The following ZNF233 variants were observed in gnomAD, a reference collection of about 807,000 sequenced individuals.
The protein encoded by ZNF233 is zinc finger protein 233.
Under a neutral mutation model 11.6 loss-of-function variants are expected in ZNF233, and 7 were observed. That is an observed-to-expected ratio of 0.60 (90% CI 0.34 to 1.13). The LOEUF (loss-of-function observed/expected upper bound fraction) is 1.13, where lower values mean the gene tolerates loss of function less well. ZNF233 is among the 50% of genes most tolerant of loss of function. The probability of loss-of-function intolerance (pLI) is 0.03; values close to 1 mark genes in which losing one functional copy is unlikely to be tolerated. For synonymous variants in ZNF233, 226 were observed against 268.5 expected (o/e 0.84, Z 1.55); for missense variants, 711 against 785.5 (o/e 0.91, Z 1.13).
chr19:44,264,179 A>G, intron 1 of ZNF233, 135 bp from the exon 2 acceptor site: 1 of 651,662 alleles, frequency 1.5e-6, no homozygotes, highest in East Asian at 2.9e-5. Context: ...AGCTCAAGCA[A>G]TCTGCCTGCC....
At chr19:44,263,681 T>C (rs776309760) in intron 1 of ZNF233, among the ~76,000 whole-genome samples, 1 of 152,208 alleles carries the variant, frequency 6.6e-6, no homozygotes, top group Non-Finnish European at 1.5e-5. Context: ...GTAAGTAATA[T>C]AGCCAATCAG....
At position 44,274,299 on chromosome 19, in the gene ZNF233, CAG is replaced by C; in HGVS notation, c.1642_1643del (p.Ser548PhefsTer19). ...KCETCGKGFS[Q>X]SSHLQDHQQV... ...TGAGACATGTGGGAAGGGCTTTAGT[CAG>C]AGTTCGCATCTCCAAGACCATCAGC... On this transcript the variant is annotated frameshift_variant, in exon 5 of 5. Coordinates refer to ENST00000683810, the MANE Select transcript of ZNF233 (RefSeq NM_001207005.2). LOFTEE classifies it low-confidence loss of function (END_TRUNC). The C allele has an allele frequency of 6.2e-7, 1 of 1,612,918 alleles. No individual in the cohort carries two copies. Among genetic ancestry groups the C allele is most frequent in the Non-Finnish European group, 8.5e-7 (1 of 1,179,662 alleles).
rs552127799 is a variant in ZNF233 at position 44,273,601 on chromosome 19, A to G, written c.941A>G (p.Tyr314Cys). Residue 314 changes from tyrosine (Y) to cysteine (C), a missense_variant, in exon 5 of 5, where the codon TAT (tyrosine) becomes TGT (cysteine). Tyr to Cys is a radical substitution (Grantham distance 194, BLOSUM62 -2). Coordinates refer to ENST00000683810, the MANE Select transcript of ZNF233 (RefSeq NM_001207005.2). ...TGTTTCCACATAGGAGAGAAATGCT[A>G]TAGGAATGGTGACAGTGGTGAGGGC... is the stretch of plus-strand genomic sequence containing the variant. ...HQCFHIGEKCYRNGDSGEGFS... is the reference protein window; with the variant it reads ...HQCFHIGEKCCRNGDSGEGFS... 2.5e-6 allele frequency: 4 copies of G among 1,614,164 alleles called. No homozygotes were observed. Among genetic ancestry groups the G allele is most frequent in the Middle Eastern group, 1.6e-4 (1 of 6,062 alleles).
chr19:44,274,445 A>C lies in ZNF233; in HGVS notation c.1785A>C (p.Glu595Asp). The change falls in exon 5 of 5, where the codon GAA becomes GAC. Residue 595 changes from glutamate to aspartate, a missense_variant. Physicochemically the swap from Glu to Asp is conservative, Grantham distance 45. Coordinates refer to ENST00000683810, the MANE Select transcript of ZNF233 (RefSeq NM_001207005.2). Reference sequence around the variant, plus strand: ...CAGGAGAGAAACCATACAAATGTGAAGAATGTAGGAAAGGCTTCATCTGGA... The same window carrying C: ...CAGGAGAGAAACCATACAAATGTGACGAATGTAGGAAAGGCTTCATCTGGA... ...VHTGEKPYKCEECRKGFIWNS... is the reference protein window; with the variant it reads ...VHTGEKPYKCDECRKGFIWNS... 1 of 1,613,838 alleles carries C rather than the reference A, an allele frequency of 6.2e-7. No individual in the cohort carries two copies. The highest frequency in any genetic ancestry group is 8.5e-7 in the Non-Finnish European group (1 of 1,179,946).
At position 44,273,379 on chromosome 19, in the gene ZNF233, G is replaced by A. The variant is rs1310525331; in HGVS notation, c.719G>A (p.Gly240Glu). Reference protein sequence around the residue: ...REKAFSHNNCGKDCVKESSQH... With the variant: ...REKAFSHNNCEKDCVKESSQH... ...AAAGCTTTTAGCCACAATAATTGTGGAAAAGACTGTGTGAAGGAATCATCC... is the reference window on the plus strand; with the variant it reads ...AAAGCTTTTAGCCACAATAATTGTGAAAAAGACTGTGTGAAGGAATCATCC... Residue 240 changes from glycine to glutamate, a missense_variant, in exon 5 of 5, where the codon GGA becomes GAA. Transcript: ENST00000683810. The A allele has an allele frequency of 6.2e-7, 1 of 1,614,048 alleles. No homozygotes were observed. The highest frequency in any genetic ancestry group is 8.5e-7 in the Non-Finnish European group (1 of 1,180,046).
chr19:44,273,886 A>G lies in ZNF233; in HGVS notation c.1226A>G (p.Gln409Arg). ...GATGTATATGATAAAGGCTTCAGTC[A>G]GACATCACAACTTCAAGCCCATCAG... ...KCDVYDKGFS[Q>R]TSQLQAHQRG... Residue 409 changes from glutamine to arginine, a missense_variant, in exon 5 of 5, where the codon CAG (glutamine) becomes CGG (arginine). By Grantham distance (43) the Gln-to-Arg change is conservative. Transcript: ENST00000683810. The G allele has an allele frequency of 1.9e-6, 3 of 1,614,260 alleles. No homozygotes were observed. In the South Asian group the frequency reaches 3.3e-5, roughly 18 times the overall value.
chr19:44,266,717 C>T (rs1475971570), intron 3 of ZNF233, 149 bp from the exon 4 acceptor site: 5 of 539,640 alleles, frequency 9.3e-6, no homozygotes, highest in Admixed American at 3.3e-5. Context: ...ATTTGTGTAC[C>T]GGATCACAAA....
chr19:44,269,275 T>TG (rs552929886), intron 4 of ZNF233, among the ~76,000 whole-genome samples: 89 of 152,182 alleles, frequency 5.8e-4, no homozygotes, highest in African/African-American at 2.0e-3. Flanking sequence ...TTTGCCTCCT[T>TG]AGCAAATCTT....
At chr19:44,263,637 T>C (rs913103266) in intron 1 of ZNF233, among the ~76,000 whole-genome samples, 1 of 152,212 alleles carries the variant, frequency 6.6e-6, no homozygotes, top group African/African-American at 2.4e-5. Context: ...AACTGAATGC[T>C]GATATCAATT....
chr19:44,264,681 T>C (rs1387905835), intron 2 of ZNF233, among the ~76,000 whole-genome samples: 7 of 152,254 alleles, frequency 4.6e-5, no homozygotes, highest in Admixed American at 4.6e-4. Context: ...CTATTTTATA[T>C]GTATTTACAT....
intron 4 of ZNF233, chr19:44,267,488 A>T (rs983392682): frequency 2.5e-6 from 1 of 397,250 alleles, no homozygotes. Flanking sequence ...AGTAGCTGGG[A>T]TGGGACTACA....
Position 44,273,647 on chromosome 19 carries a change from G to A in ZNF233, c.987G>A (p.Leu329=). 1 of 1,614,038 alleles carries A rather than the reference G, an allele frequency of 6.2e-7. No individual in the cohort carries two copies. The highest frequency in any genetic ancestry group is 8.5e-7 in the Non-Finnish European group (1 of 1,179,976). Residue 329 remains leucine (L), a synonymous_variant, in exon 5 of 5, where the codon CTG becomes CTA. Coordinates refer to ENST00000683810, the MANE Select transcript of ZNF233 (RefSeq NM_001207005.2). ...AGGGCTTCAGTCAGGGCTCACATCT[G>A]CAACCTCATCAGAGAGTCAGCACAG... ...SGEGFSQGSH[L]QPHQRVSTGE...
chr19:44,265,895 C>T (rs577779549), intron 2 of ZNF233, among the ~76,000 whole-genome samples: 155 of 152,278 alleles, frequency 1.0e-3, no homozygotes, highest in African/African-American at 3.5e-3. Flanking sequence ...TTATAAAATA[C>T]GTATTCCGTG....
In ZNF233 at chr19:44,274,228, T is replaced by C; in HGVS notation, c.1568T>C (p.Leu523Pro). Residue 523 changes from leucine to proline, a missense_variant, in exon 5 of 5, where the codon CTT becomes CCT. Physicochemically the swap from Leu to Pro is moderately conservative, Grantham distance 98. Transcript: ENST00000683810. The part of the protein sequence containing the change: ...CGKDFSQISH[L>P]QAHQRVHKGE... The stretch of plus-strand genomic sequence containing the variant: ...AAGGACTTCAGTCAGATCTCTCATC[T>C]TCAGGCCCATCAGAGAGTTCACAAA... 1 of 1,609,838 alleles carries C rather than the reference T, an allele frequency of 6.2e-7. No homozygotes were observed. The highest frequency in any genetic ancestry group is 2.2e-5 in the East Asian group (1 of 44,814).
chr19:44,272,375 CTAAA>C (rs1975260072), intron 4 of ZNF233, among the ~76,000 whole-genome samples: 2 of 147,254 alleles, frequency 1.4e-5, no homozygotes, highest in Non-Finnish European at 3.0e-5. Flanking sequence ...TGGTATAGCT[CTAAA>C]TGAGTCTCAT....
intron 4 of ZNF233, among the ~76,000 whole-genome samples, chr19:44,271,337 T>C (rs1480016044): frequency 6.6e-6 from 1 of 152,218 alleles, no homozygotes; most frequent in Non-Finnish European, 1.5e-5. Context: ...TGAGAATTCT[T>C]GGCATCACTA....
At position 44,259,929 on chromosome 19, in the gene ZNF233, C is replaced by T. The variant is rs1163698190; in HGVS notation, c.-57C>T. 6.6e-6 allele frequency: 3 copies of T among 455,706 alleles called. No individual in the cohort carries two copies. The highest frequency in any genetic ancestry group is 1.3e-5 in the Non-Finnish European group (3 of 226,592). 28.2% of individuals were successfully genotyped at this position (455,706 alleles called of 1,614,324 possible). A position where few individuals can be genotyped will look rare whatever the true frequency, so the allele number is the denominator to read the frequency against. ...AGGGCGAAGCAGCCGTCATCTATCC[C>T]CTCTGGGAGGTGAGTCAGCGCGGAA... On this transcript the variant is annotated 5_prime_UTR_variant, in exon 1 of 5. Coordinates refer to ENST00000683810, the MANE Select transcript of ZNF233 (RefSeq NM_001207005.2).
At position 44,273,832 on chromosome 19, in the gene ZNF233, A is replaced by G. The variant is rs756755821; in HGVS notation, c.1172A>G (p.Asp391Gly). The part of the protein sequence containing the change: ...HSLDFDIHCV[D>G]SAGERACKCD... ...TTAGATTTTGACATTCACTGTGTAG[A>G]CAGTGCTGGAGAGAGAGCCTGTAAA... Residue 391 changes from aspartate to glycine, a missense_variant, in exon 5 of 5, where the codon GAC becomes GGC. Asp to Gly is a moderately conservative substitution (Grantham distance 94, BLOSUM62 -1). Transcript: ENST00000683810. 1.2e-5 allele frequency: 19 copies of G among 1,614,174 alleles called. No individual in the cohort carries two copies. In the South Asian group the frequency reaches 2.1e-4, roughly 18 times the overall value.
In ZNF233 at chr19:44,273,591, G is replaced by C; in HGVS notation, c.931G>C (p.Glu311Gln). ...LPRHQCFHIG[E>Q]KCYRNGDSGE... ...CAGGCATCAGTGTTTCCACATAGGA[G>C]AGAAATGCTATAGGAATGGTGACAG... Residue 311 changes from glutamate to glutamine, a missense_variant, in exon 5 of 5, where the codon GAG (glutamate) becomes CAG (glutamine). Coordinates refer to ENST00000683810, the MANE Select transcript of ZNF233 (RefSeq NM_001207005.2). 6.2e-7 allele frequency: 1 copy of C among 1,614,214 alleles called. No individual in the cohort carries two copies. Among genetic ancestry groups the C allele is most frequent in the Non-Finnish European group, 8.5e-7 (1 of 1,180,030 alleles).
Sources: gnomAD v4.1 joint callset for allele counts (sites outside exome capture counted in the v4.1 genomes callset) on GRCh38, gnomAD v4.1.1 for gene constraint, MANE v1.5 for transcripts, NCBI Gene and HGNC (gene_info 2026-07-23, HGNC 2026-07-21) for gene names.